The following FBXL13 variants were observed in gnomAD, a reference collection of about 807,000 sequenced individuals.
FBXL13 encodes F-box and leucine-rich repeat protein 13.
Under a neutral mutation model 83.6 loss-of-function variants are expected in FBXL13, and 67 were observed. That is an observed-to-expected ratio of 0.80 (90% CI 0.66 to 0.98). The LOEUF is 0.98. Ranked by LOEUF, FBXL13 falls within the 50% of genes least tolerant of loss-of-function variation. The pLI, the probability that FBXL13 is intolerant of heterozygous loss-of-function variation, is 0.00. For synonymous variants in FBXL13, 272 were observed against 299.5 expected, an observed-to-expected ratio of 0.91 and a Z score of 0.95; for missense variants, 822 against 866.5, an observed-to-expected ratio of 0.95 and a Z score of 0.64.
chr7:102,813,515 T>A (rs1479945673), exon 20 of FBXL13: 1 of 1,613,926 alleles, frequency 6.2e-7, no homozygotes, highest in Non-Finnish European at 8.5e-7. Flanking sequence ...TTAGATGACA[T>A]TCTTTGAGCT....
At chr7:102,959,303 G>C (rs1293034746) in intron 8 of FBXL13, among the ~76,000 whole-genome samples, 3 of 151,924 alleles carry the variant, frequency 2.0e-5, no homozygotes, top group Admixed American at 6.6e-5. Context: ...GAAACTCCTT[G>C]TGCACTTCTT....
intron 10 of FBXL13, among the ~76,000 whole-genome samples, chr7:102,922,189 C>CAA (rs764424966): frequency 1.2e-5 from 1 of 82,552 alleles, no homozygotes; most frequent in Non-Finnish European, 2.5e-5. Flanking sequence ...GACTCTGTCT[C>CAA]AAAAAAAAAA....
chr7:102,960,440 T>C (rs1825000498), intron 8 of FBXL13, among the ~76,000 whole-genome samples: 1 of 152,028 alleles, frequency 6.6e-6, no homozygotes, highest in Admixed American at 6.6e-5. Context: ...TCTGAAACTA[T>C]TCCAATCAAT....
intron 19 of FBXL13, among the ~76,000 whole-genome samples, chr7:102,814,928 C>G (rs1334948843): frequency 1.3e-5 from 2 of 152,080 alleles, no homozygotes; most frequent in Admixed American, 6.5e-5. Context: ...ATATCTTTTG[C>G]TTTTCCCACA....
chr7:102,816,640 G>A (rs1798044662), intron 19 of FBXL13, among the ~76,000 whole-genome samples: 1 of 152,152 alleles, frequency 6.6e-6, no homozygotes, highest in Non-Finnish European at 1.5e-5. Context: ...TAGATTCAGG[G>A]TGTACACGTG....
At chr7:102,941,618 A>T (rs1453109197) in intron 8 of FBXL13, among the ~76,000 whole-genome samples, 4 of 152,078 alleles carry the variant, frequency 2.6e-5, no homozygotes, top group African/African-American at 9.7e-5. Context: ...GCTACAAACT[A>T]AAGAATCTCA....
intron 10 of FBXL13, among the ~76,000 whole-genome samples, chr7:102,917,669 C>T (rs949412727): frequency 3.9e-5 from 6 of 152,024 alleles, no homozygotes; most frequent in African/African-American, 1.5e-4. Flanking sequence ...AGAATGTCAA[C>T]GAAGAGTAAG....
At chr7:103,032,458 T>C (rs1430467595) in intron 2 of FBXL13, among the ~76,000 whole-genome samples, 1 of 152,212 alleles carries the variant, frequency 6.6e-6, no homozygotes, top group Admixed American at 6.5e-5. Flanking sequence ...CACTTAATAG[T>C]AATTGCTTAA....
chr7:102,964,639 A>G (rs924117742), intron 7 of FBXL13, among the ~76,000 whole-genome samples: 3 of 151,932 alleles, frequency 2.0e-5, no homozygotes, highest in Non-Finnish European at 4.4e-5. Flanking sequence ...CTGACCTCAA[A>G]TGATCCACCT....
At chr7:102,982,774 T>C (rs1425667395) in intron 6 of FBXL13, among the ~76,000 whole-genome samples, 1 of 152,212 alleles carries the variant, frequency 6.6e-6, no homozygotes, top group Non-Finnish European at 1.5e-5. Flanking sequence ...ATTAAACTTC[T>C]TTCCTTTATA....
intron 18 of FBXL13, among the ~76,000 whole-genome samples, chr7:102,825,063 G>A (rs1225052835): frequency 1.3e-5 from 2 of 152,050 alleles, no homozygotes; most frequent in African/African-American, 2.4e-5. Context: ...GGTCATTTCC[G>A]TTGTTTTCAA....
At chr7:103,038,252 G>A (rs1475021027) in intron 2 of FBXL13, among the ~76,000 whole-genome samples, 1 of 152,196 alleles carries the variant, frequency 6.6e-6, no homozygotes, top group Non-Finnish European at 1.5e-5. Context: ...GGCGGGGGGA[G>A]GGGCATCTGC....
At chr7:103,044,218 T>A (rs1389926035) in intron 2 of FBXL13, among the ~76,000 whole-genome samples, 4 of 152,228 alleles carry the variant, frequency 2.6e-5, no homozygotes, top group African/African-American at 4.8e-5. Context: ...ATTACCCGTT[T>A]CCTTCAATAA....
rs138245933 is a variant in FBXL13 at position 102,946,031 on chromosome 7, A to C, written c.725-14098T>G. ...CGAGTAGCTGGTATTACAGGTGCTC[A>C]CCACCATGCCTGGCTAATTTTTGTA... On this transcript the variant is annotated intron_variant, in intron 8 of 19. Transcript: ENST00000313221. Among the ~76,000 whole-genome samples the C allele has an allele frequency of 3.9e-5, 6 of 152,206 alleles. No individual in the cohort carries two copies. The East Asian group carries it at 1.2e-3, about 29-fold the overall frequency.
At chr7:102,909,217 A>G (rs542606806) in intron 11 of FBXL13, among the ~76,000 whole-genome samples, 7 of 152,204 alleles carry the variant, frequency 4.6e-5, no homozygotes, top group African/African-American at 1.7e-4. Context: ...GCTACCAATG[A>G]TGTTCTCTTA....
At chr7:103,038,051 G>A (rs975283231) in intron 2 of FBXL13, among the ~76,000 whole-genome samples, 4 of 152,108 alleles carry the variant, frequency 2.6e-5, no homozygotes, top group African/African-American at 4.8e-5. Flanking sequence ...CAAGCCAAGG[G>A]AAGCCATGAC....
At position 103,048,150 on chromosome 7, in the gene FBXL13, G is replaced by A. The variant is rs554121641; in HGVS notation, c.-1+7494C>T. 1.1e-4 allele frequency among the ~76,000 whole-genome samples: 17 copies of A among 152,152 alleles called. No individual in the cohort carries two copies. The South Asian group carries it at 1.7e-3, about 15-fold the overall frequency. On this transcript the variant is annotated intron_variant, in intron 2 of 19. Transcript: ENST00000313221. ...GGATGCTTCAGGGGCCCTCTGTAGC[G>A]TTCCAAAGTTAGAGGTCAGAAAAGA...
intron 10 of FBXL13, among the ~76,000 whole-genome samples, chr7:102,915,076 A>T (rs924617839): frequency 6.6e-6 from 1 of 151,990 alleles, no homozygotes; most frequent in African/African-American, 2.4e-5. Flanking sequence ...CAACCTCCCT[A>T]ATCTCTCAGA....
chr7:103,038,629 A>G (rs1434221954), intron 2 of FBXL13, among the ~76,000 whole-genome samples: 2 of 152,206 alleles, frequency 1.3e-5, no homozygotes, highest in Admixed American at 6.5e-5. Context: ...AGGATCAGGC[A>G]GCAATATTTG....
Sources: allele counts gnomAD v4.1 joint callset (sites outside exome capture counted in the v4.1 genomes callset), GRCh38; gene constraint gnomAD v4.1.1; transcripts MANE v1.5; gene names NCBI Gene and HGNC (gene_info 2026-07-23, HGNC 2026-07-21).